Variants in PAK2 observed in about 807,000 individuals in gnomAD.
PAK2 encodes serine/threonine-protein kinase PAK 2.
PAK2 carries 21 observed loss-of-function variants against 65.9 expected under a neutral mutation model. The observed-to-expected ratio is 0.32, with a 90% CI of 0.23 to 0.46. The LOEUF (loss-of-function observed/expected upper bound fraction) is 0.46, where lower values mean the gene tolerates loss of function less well. Among genes scored for constraint, PAK2 ranks in the 20% least tolerant of loss-of-function variants. The pLI is 1.00. For synonymous variants in PAK2, 204 were observed against 219.7 expected, an observed-to-expected ratio of 0.93 and a Z score of 0.63; for missense variants, 324 against 642.6, an observed-to-expected ratio of 0.50 and a Z score of 5.36.
intron 1 of PAK2, among the ~76,000 whole-genome samples, chr3:196,778,822 G>A (rs1714618683): frequency 6.6e-6 from 1 of 152,176 alleles, no homozygotes; most frequent in South Asian, 2.1e-4. Flanking sequence ...GAGTTTTGTA[G>A]CATATCCCTC....
intron 2 of PAK2, among the ~76,000 whole-genome samples, chr3:196,787,259 A>G (rs1714919657): frequency 6.6e-6 from 1 of 152,158 alleles, no homozygotes; most frequent in Admixed American, 6.5e-5. Flanking sequence ...AACAGAAAAA[A>G]AAACCTGTGG....
rs1711953305 is a variant in PAK2, at chr3:196,828,352, A to G, written c.1522A>G (p.Ser508Gly). 1 of 1,611,404 alleles carries G rather than the reference A, an allele frequency of 6.2e-7. No homozygotes were observed. Among genetic ancestry groups the G allele is most frequent in the Non-Finnish European group, 8.5e-7 (1 of 1,178,148 alleles). Residue 508 changes from serine to glycine, a missense_variant, in exon 15 of 15, where the codon AGC becomes GGC. Around this residue, in one of 5 missense-constraint regions of PAK2, gnomAD observed 43 missense variants for 67.6 expected, o/e 0.64. Coordinates refer to ENST00000327134, the MANE Select transcript of PAK2 (RefSeq NM_002577.4). ...PFLKLAKPLS[S>G]LTPLIMAAKE... ...CCTGAAACTGGCCAAACCGTTATCTAGCTTGACACCACTGATCATGGCAGC... is the reference window on the plus strand; with the variant it reads ...CCTGAAACTGGCCAAACCGTTATCTGGCTTGACACCACTGATCATGGCAGC...
chr3:196,812,711 G>T (rs760249105), intron 9 of PAK2, 28 bp from the exon 10 acceptor site: 6 of 1,031,158 alleles, frequency 5.8e-6, no homozygotes, highest in Admixed American at 5.7e-5. Context: ...CCTAAACCTG[G>T]TTTTTTTCAA....
intron 13 of PAK2, among the ~76,000 whole-genome samples, chr3:196,824,457 A>G (rs140359459): frequency 3.5e-4 from 54 of 152,356 alleles, no homozygotes; most frequent in African/African-American, 1.3e-3. Context: ...TCACGACTGC[A>G]TTTCAGTTGT....
chr3:196,814,447 T>G lies in PAK2; in HGVS notation c.936-4T>G. Reference sequence around the variant, plus strand: ...TGACTGTATTTGGTATGTTGTATTTTTAGTTACCTGGTAGGAGATGAATTG... The same window carrying G: ...TGACTGTATTTGGTATGTTGTATTTGTAGTTACCTGGTAGGAGATGAATTG... On this transcript the variant is annotated splice_region_variant and splice_polypyrimidine_tract_variant and intron_variant, in intron 10 of 14. Coordinates refer to ENST00000327134, the MANE Select transcript of PAK2 (RefSeq NM_002577.4). 8.9e-7 allele frequency: 1 copy of G among 1,119,836 alleles called. No homozygotes were observed. Among genetic ancestry groups the G allele is most frequent in the Non-Finnish European group, 1.3e-6 (1 of 751,186 alleles). The allele number at this position is 1,119,836 out of a possible 1,614,324, so 69.4% of individuals were successfully genotyped here.
intron 1 of PAK2, among the ~76,000 whole-genome samples, chr3:196,750,812 C>T (rs1577695746): frequency 6.8e-6 from 1 of 147,346 alleles, no homozygotes; most frequent in Non-Finnish European, 1.5e-5. Context: ...TGGTATGTTT[C>T]TGTTATTTTA....
intron 1 of PAK2, among the ~76,000 whole-genome samples, chr3:196,773,036 C>A (rs1388682664): frequency 6.6e-6 from 1 of 152,154 alleles, no homozygotes; most frequent in African/African-American, 2.4e-5. Context: ...GTTCCAGATA[C>A]CACTCCGCTG....
At chr3:196,786,965 C>T (rs1305018950) in intron 2 of PAK2, among the ~76,000 whole-genome samples, 1 of 152,012 alleles carries the variant, frequency 6.6e-6, no homozygotes, top group East Asian at 1.9e-4. Flanking sequence ...GTTGGGACTA[C>T]AGGTGCACAA....
intron 2 of PAK2, among the ~76,000 whole-genome samples, chr3:196,793,278 C>T (rs1488458013): frequency 6.6e-6 from 1 of 152,202 alleles, no homozygotes; most frequent in Non-Finnish European, 1.5e-5. Flanking sequence ...AAAGTTGAAG[C>T]ACCAGAATAA....
intron 1 of PAK2, among the ~76,000 whole-genome samples, chr3:196,748,013 C>T (rs1219507874): frequency 6.6e-6 from 1 of 152,170 alleles, no homozygotes; most frequent in East Asian, 1.9e-4. Context: ...CTTTATAGCA[C>T]TTCCATCTGA....
chr3:196,758,899 C>A (rs1460202983), intron 1 of PAK2, among the ~76,000 whole-genome samples: 5 of 152,176 alleles, frequency 3.3e-5, no homozygotes, highest in Non-Finnish European at 7.3e-5. Flanking sequence ...CTCAAGTGAT[C>A]TGCCCACCTC....
chr3:196,771,177 G>A (rs1714349271), intron 1 of PAK2, among the ~76,000 whole-genome samples: 1 of 151,934 alleles, frequency 6.6e-6, no homozygotes, highest in South Asian at 2.1e-4. Context: ...TGTTGAGTTT[G>A]CAGTTTATGT....
At chr3:196,808,051 C>A in intron 7 of PAK2, 137 bp downstream of exon 7, 1 of 743,588 alleles carries the variant, frequency 1.3e-6, no homozygotes, top group Non-Finnish European at 2.1e-6. Flanking sequence ...GCAACAGTAG[C>A]TTCAATTACA....
chr3:196,813,877 G>C (rs920638562), intron 10 of PAK2, among the ~76,000 whole-genome samples: 1 of 152,084 alleles, frequency 6.6e-6, no homozygotes, highest in Non-Finnish European at 1.5e-5. Context: ...TTGAACCCAA[G>C]AGGTGGAGGC....
At chr3:196,817,463 A>G (rs946185182) in intron 11 of PAK2, among the ~76,000 whole-genome samples, 1 of 151,978 alleles carries the variant, frequency 6.6e-6, no homozygotes, top group Admixed American at 6.6e-5. Flanking sequence ...CGATTCTGCT[A>G]TCTCAGCCTC....
In PAK2 at chr3:196,782,867, A is replaced by T. The variant is rs181454125; in HGVS notation, c.187+34A>T. 6.8e-4 allele frequency: 974 copies of T among 1,432,972 alleles called. 3 individuals carry two copies. In the African/African-American group the frequency reaches 0.012, roughly 18 times the overall value. 88.8% of individuals were successfully genotyped at this position (1,432,972 alleles called of 1,614,324 possible). ...CGCTTCTGGCTTTCAGAGTCTCAGC[A>T]TTGGTTTATTATTGTATGTTACCCA... On this transcript the variant is annotated intron_variant, in intron 2 of 14. Transcript: ENST00000327134.
chr3:196,765,588 T>C (rs186645119), intron 1 of PAK2, among the ~76,000 whole-genome samples: 2 of 152,336 alleles, frequency 1.3e-5, no homozygotes, highest in Admixed American at 1.3e-4. Context: ...TGTAAAATGG[T>C]ATCTGCTAGA....
chr3:196,827,431 T>C (rs955100511), intron 14 of PAK2, 98 bp downstream of exon 14: 9 of 1,523,198 alleles, frequency 5.9e-6, no homozygotes, highest in Non-Finnish European at 7.0e-6. Flanking sequence ...CACTACTCAT[T>C]GATCACCAGC....
At chr3:196,793,063 C>T (rs528332770) in intron 2 of PAK2, among the ~76,000 whole-genome samples, 65 of 152,208 alleles carry the variant, frequency 4.3e-4, no homozygotes, top group Middle Eastern at 3.4e-3. Flanking sequence ...GTAGGATGCA[C>T]TACACATGCT....
Sources: gnomAD v4.1 joint callset for allele counts (sites outside exome capture counted in the v4.1 genomes callset) on GRCh38, gnomAD v4.1.1 for gene constraint, gnomAD v4.1.1 regional missense constraint, MANE v1.5 for transcripts, NCBI Gene and HGNC (gene_info 2026-07-23, HGNC 2026-07-21) for gene names.